The following NCK1 variants were observed in gnomAD, a reference collection of about 807,000 sequenced individuals.
The protein encoded by NCK1 is SH2/SH3 adapter protein NCK1.
A neutral mutation model predicts 36.6 loss-of-function variants in NCK1; 19 were observed. The observed-to-expected ratio is 0.52, with a 90% CI of 0.36 to 0.76. The LOEUF (loss-of-function observed/expected upper bound fraction) is 0.76. Ranked by LOEUF, NCK1 falls within the 30% of genes least tolerant of loss-of-function variation. The pLI, the probability that NCK1 is intolerant of heterozygous loss-of-function variation, is 0.00. For missense variants in NCK1, 358 were observed against 445.6 expected, an observed-to-expected ratio of 0.80 and a Z score of 1.77; for synonymous variants, 165 against 156.0, an observed-to-expected ratio of 1.06 and a Z score of -0.43.
intron 1 of NCK1, among the ~76,000 whole-genome samples, chr3:136,926,077 A>C (rs908893819): frequency 6.6e-6 from 1 of 152,096 alleles, no homozygotes; most frequent in African/African-American, 2.4e-5. Flanking sequence ...TTTAATAGCT[A>C]ATGATGAATA....
chr3:136,899,894 T>C lies in NCK1; in HGVS notation c.-18-28090T>C, dbSNP rs564904375. On this transcript the variant is annotated intron_variant, in intron 1 of 3. Transcript: ENST00000481752. ...TTTTTTTTTTAGGGGTTTTCTCTTCTAGTGGGATTTCTTCTTTCTGGAGAT... is the reference window on the plus strand; with the variant it reads ...TTTTTTTTTTAGGGGTTTTCTCTTCCAGTGGGATTTCTTCTTTCTGGAGAT... The C allele has an allele frequency of 5.1e-4, 536 of 1,043,938 alleles. 4 individuals carry two copies. Among genetic ancestry groups the C allele is most frequent in the South Asian group, 3.4e-3 (263 of 76,848 alleles). The allele number at this position is 1,043,938 out of a possible 1,614,324, so 64.7% of individuals were successfully genotyped here.
chr3:136,904,085 T>A (rs1939617097), intron 1 of NCK1, among the ~76,000 whole-genome samples: 1 of 152,218 alleles, frequency 6.6e-6, no homozygotes, highest in Non-Finnish European at 1.5e-5. Flanking sequence ...TATTTCTTAC[T>A]CATTTATGAA....
intron 1 of NCK1, among the ~76,000 whole-genome samples, chr3:136,876,332 A>C (rs1938770287): frequency 6.6e-6 from 1 of 152,176 alleles, no homozygotes; most frequent in Admixed American, 6.5e-5. Context: ...ATAGAGACAC[A>C]AAAAACCCTT....
intron 1 of NCK1, among the ~76,000 whole-genome samples, chr3:136,883,934 G>A (rs1365239317): frequency 2.0e-5 from 3 of 152,202 alleles, no homozygotes; most frequent in African/African-American, 7.2e-5. Flanking sequence ...TGGTAAAGAG[G>A]ATAGAAGAGC....
chr3:136,901,408 G>A (rs1048364127), intron 1 of NCK1, among the ~76,000 whole-genome samples: 1 of 151,110 alleles, frequency 6.6e-6, no homozygotes, highest in Non-Finnish European at 1.5e-5. Flanking sequence ...TCTGGTTTTG[G>A]TGTTAAGGTA....
chr3:136,887,085 C>T (rs906213795), intron 1 of NCK1, among the ~76,000 whole-genome samples: 1 of 152,104 alleles, frequency 6.6e-6, no homozygotes, highest in Non-Finnish European at 1.5e-5. Flanking sequence ...CTCAGGTGAT[C>T]CACCTGCTTT....
chr3:136,879,259 A>C (rs908161169), intron 1 of NCK1, among the ~76,000 whole-genome samples: 1 of 152,164 alleles, frequency 6.6e-6, no homozygotes, highest in South Asian at 2.1e-4. Context: ...TCAGAGGTCA[A>C]CTTCCAAATA....
intron 1 of NCK1, among the ~76,000 whole-genome samples, chr3:136,881,361 A>G (rs1938930549): frequency 6.6e-6 from 1 of 152,068 alleles, no homozygotes. Context: ...CTGGGACTAC[A>G]GGTGCACGCC....
intron 1 of NCK1, among the ~76,000 whole-genome samples, chr3:136,862,792 C>T (rs959335467): frequency 1.3e-5 from 2 of 152,204 alleles, no homozygotes; most frequent in East Asian, 1.9e-4. Context: ...CACCTCCAGC[C>T]CGAGAGGAGG....
chr3:136,879,168 T>A (rs1487192145), intron 1 of NCK1, among the ~76,000 whole-genome samples: 2 of 149,378 alleles, frequency 1.3e-5, no homozygotes, highest in Non-Finnish European at 3.0e-5. Flanking sequence ...AATAGAAAAG[T>A]TGAAGTTAGA....
chr3:136,925,400 C>T (rs993671730), intron 1 of NCK1, among the ~76,000 whole-genome samples: 3 of 152,068 alleles, frequency 2.0e-5, no homozygotes, highest in Non-Finnish European at 2.9e-5. Flanking sequence ...GAACTTATTG[C>T]GAGATCCAGT....
intron 1 of NCK1, among the ~76,000 whole-genome samples, chr3:136,901,603 GGTA>G (rs777158338): frequency 8.6e-5 from 13 of 151,964 alleles, no homozygotes; most frequent in Non-Finnish European, 1.5e-4. Context: ...ATTCAATCTT[GGTA>G]GATTGTATAT....
chr3:136,898,639 A>G (rs1409470390), intron 1 of NCK1, among the ~76,000 whole-genome samples: 2 of 152,238 alleles, frequency 1.3e-5, no homozygotes, highest in Non-Finnish European at 2.9e-5. Flanking sequence ...TAAAACTGAT[A>G]ATATAGCTTA....
chr3:136,863,943 T>C (rs1376271909), intron 1 of NCK1, among the ~76,000 whole-genome samples: 1 of 150,380 alleles, frequency 6.6e-6, no homozygotes, highest in African/African-American at 2.4e-5. Context: ...CTACTAAAAA[T>C]ACAAAAAAGT....
rs1343712817 is a variant in NCK1 at position 136,951,190 on chromosome 3, C to G, written c.*2737C>G. Among the ~76,000 whole-genome samples, 2 of 152,124 alleles carry G rather than the reference C, an allele frequency of 1.3e-5. No individual in the cohort carries two copies. Among genetic ancestry groups the G allele is most frequent in the African/African-American group, 4.8e-5 (2 of 41,428 alleles). ...CTTAAATTATCTCCAGCTGTAATGTCCTACCATATAATCCAGAGGTTGCAT... is the reference window on the plus strand; with the variant it reads ...CTTAAATTATCTCCAGCTGTAATGTGCTACCATATAATCCAGAGGTTGCAT... On this transcript the variant is annotated 3_prime_UTR_variant, in exon 4 of 4. Transcript: ENST00000481752.
intron 1 of NCK1, among the ~76,000 whole-genome samples, chr3:136,876,424 AAG>A (rs1291210553): frequency 6.6e-6 from 1 of 152,120 alleles, no homozygotes; most frequent in African/African-American, 2.4e-5. Flanking sequence ...AATAAAGAAA[AAG>A]AGAAGAATCA....
chr3:136,928,289 T>G, intron 2 of NCK1, 62 bp downstream of exon 2: 1 of 1,440,182 alleles, frequency 6.9e-7, no homozygotes, highest in Non-Finnish European at 9.4e-7. Context: ...CTTAGTTCTT[T>G]GTACATAATT....
intron 1 of NCK1, among the ~76,000 whole-genome samples, chr3:136,922,832 A>G (rs1343902259): frequency 6.6e-6 from 1 of 152,242 alleles, no homozygotes; most frequent in East Asian, 1.9e-4. Flanking sequence ...TTCTAACCCA[A>G]AGGTACACTA....
chr3:136,948,209 T>G, intron 3 of NCK1, 50 bp from the exon 4 acceptor site: 1 of 1,405,460 alleles, frequency 7.1e-7, no homozygotes, highest in East Asian at 2.4e-5. Context: ...AAAATACTGA[T>G]AGAGGGCTTT....
Sources: gnomAD v4.1 joint callset for allele counts (sites outside exome capture counted in the v4.1 genomes callset) on GRCh38, gnomAD v4.1.1 for gene constraint, MANE v1.5 for transcripts, NCBI Gene and HGNC (gene_info 2026-07-23, HGNC 2026-07-21) for gene names.